Variants in DAAM1 observed in about 807,000 individuals in gnomAD.
DAAM1 encodes the protein disheveled-associated activator of morphogenesis 1.
A neutral mutation model predicts 130.0 loss-of-function variants in DAAM1; 52 were observed. The observed-to-expected ratio is 0.40, with a 90% CI of 0.32 to 0.50. DAAM1 has a LOEUF of 0.50. Among genes scored for constraint, DAAM1 ranks in the 20% least tolerant of loss-of-function variants. The pLI, the probability that DAAM1 is intolerant of heterozygous loss-of-function variation, is 0.61. For synonymous variants in DAAM1, 452 were observed against 444.5 expected, an observed-to-expected ratio of 1.02 and a Z score of -0.21; for missense variants, 1,134 against 1,303.8, an observed-to-expected ratio of 0.87 and a Z score of 2.01.
intron 2 of DAAM1, among the ~76,000 whole-genome samples, chr14:59,290,196 G>T (rs1458833178): frequency 6.6e-6 from 1 of 152,088 alleles, no homozygotes; most frequent in Non-Finnish European, 1.5e-5. Context: ...TTTTTTCTAA[G>T]CTCTTTATAT....
rs757982641 is a variant in DAAM1 at position 59,368,694 on chromosome 14, A to G, written c.3042A>G (p.Lys1014=). ...GGGAACGTAAAATGAGAAAAGCTAA[A>G]GAGAATAGTGAAGAAAGCGGAGAGT... is the stretch of plus-strand genomic sequence containing the variant. ...RERERKMRKA[K]ENSEESGEFD... The change falls in exon 25 of 25, where the codon AAA becomes AAG. Residue 1014 remains lysine (K), a synonymous_variant. Coordinates refer to ENST00000360909, the MANE Select transcript of DAAM1 (RefSeq NM_001270520.2). The G allele has an allele frequency of 1.4e-5, 23 of 1,613,754 alleles. No individual in the cohort carries two copies. The highest frequency in any genetic ancestry group is 1.9e-5 in the Non-Finnish European group (23 of 1,179,804).
At chr14:59,334,880 T>C (rs1885565975) in intron 15 of DAAM1, among the ~76,000 whole-genome samples, 1 of 152,178 alleles carries the variant, frequency 6.6e-6, no homozygotes, top group Non-Finnish European at 1.5e-5. Context: ...GAGAAAAAGC[T>C]GTAAATAACT....
At chr14:59,331,760 T>C in intron 14 of DAAM1, 53 bp from the exon 15 acceptor site, 2 of 1,564,068 alleles carry the variant, frequency 1.3e-6, no homozygotes, top group Admixed American at 3.8e-5. Flanking sequence ...ACCATCCCTG[T>C]TCTTTTTATG....
At chr14:59,353,132 C>T (rs755462877) in intron 18 of DAAM1, among the ~76,000 whole-genome samples, 10 of 152,308 alleles carry the variant, frequency 6.6e-5, no homozygotes, top group African/African-American at 9.6e-5. Context: ...ACTCTTCCCA[C>T]GGAGCCTTGG....
chr14:59,352,494 C>A, intron 17 of DAAM1, 32 bp from the exon 18 acceptor site: 2 of 1,539,040 alleles, frequency 1.3e-6, no homozygotes, highest in South Asian at 2.3e-5. Context: ...AAGTGATAAA[C>A]CTCAGTTTTA....
chr14:59,362,010 G>T (rs1886721121), intron 22 of DAAM1, among the ~76,000 whole-genome samples: 3 of 127,176 alleles, frequency 2.4e-5, no homozygotes, highest in East Asian at 2.7e-4. Context: ...AGCATGTGAG[G>T]TTTTTTTCCT....
chr14:59,249,227 G>A (rs1168725160), intron 1 of DAAM1, among the ~76,000 whole-genome samples: 1 of 152,200 alleles, frequency 6.6e-6, no homozygotes, highest in Non-Finnish European at 1.5e-5. Flanking sequence ...TATTAACACA[G>A]CAGAACAAAT....
intron 1 of DAAM1, among the ~76,000 whole-genome samples, chr14:59,246,317 T>G (rs1881375984): frequency 6.6e-6 from 1 of 152,242 alleles, no homozygotes; most frequent in Non-Finnish European, 1.5e-5. Context: ...GGTATTTGTC[T>G]TTTTGTGTCT....
chr14:59,298,415 A>G (rs1022611681), intron 3 of DAAM1, among the ~76,000 whole-genome samples: 1 of 152,100 alleles, frequency 6.6e-6, no homozygotes, highest in Non-Finnish European at 1.5e-5. Flanking sequence ...TAAACCACCC[A>G]GTTTTTTTAA....
intron 16 of DAAM1, among the ~76,000 whole-genome samples, chr14:59,345,176 G>A (rs1172415460): frequency 1.3e-5 from 2 of 152,104 alleles, no homozygotes; most frequent in African/African-American, 4.8e-5. Context: ...GTTTTTCCCT[G>A]TTGTATACTT....
intron 4 of DAAM1, among the ~76,000 whole-genome samples, chr14:59,317,595 C>T (rs1337593988): frequency 6.6e-6 from 1 of 152,118 alleles, no homozygotes; most frequent in African/African-American, 2.4e-5. Context: ...TTGTCATCAC[C>T]CATTGTCTGC....
At chr14:59,340,551 C>T (rs1299423824) in intron 16 of DAAM1, among the ~76,000 whole-genome samples, 1 of 152,124 alleles carries the variant, frequency 6.6e-6, no homozygotes, top group Non-Finnish European at 1.5e-5. Context: ...GATGAAGGCT[C>T]TTTGTTTTAT....
intron 2 of DAAM1, among the ~76,000 whole-genome samples, chr14:59,287,130 C>T (rs553993672): frequency 6.6e-6 from 1 of 152,158 alleles, no homozygotes; most frequent in Non-Finnish European, 1.5e-5. Flanking sequence ...GTTGGTTTAA[C>T]ATATGCCAAT....
intron 16 of DAAM1, among the ~76,000 whole-genome samples, 186 bp downstream of exon 16, chr14:59,340,366 T>C (rs904040106): frequency 1.3e-5 from 2 of 152,228 alleles, no homozygotes; most frequent in Non-Finnish European, 2.9e-5. Context: ...CAGAGCTGGA[T>C]GCCTTCTTTC....
chr14:59,198,108 T>C (rs1298222252), intron 1 of DAAM1, among the ~76,000 whole-genome samples: 4 of 152,144 alleles, frequency 2.6e-5, no homozygotes, highest in Non-Finnish European at 4.4e-5. Context: ...CAGGAATTCC[T>C]CCAACAGAAA....
chr14:59,225,014 T>G (rs1781801790), intron 1 of DAAM1, among the ~76,000 whole-genome samples: 5 of 143,020 alleles, frequency 3.5e-5, no homozygotes, highest in South Asian at 4.6e-4. Context: ...AATAAATCTG[T>G]GTGGGTTTTT....
At chr14:59,200,273 A>C (rs1024696756) in intron 1 of DAAM1, among the ~76,000 whole-genome samples, 9 of 152,210 alleles carry the variant, frequency 5.9e-5, no homozygotes, top group African/African-American at 2.2e-4. Context: ...TTGGTAGCTC[A>C]GTAATGCTAT....
intron 3 of DAAM1, among the ~76,000 whole-genome samples, chr14:59,294,346 C>A (rs1883869126): frequency 1.3e-5 from 2 of 152,204 alleles, no homozygotes; most frequent in African/African-American, 2.4e-5. Flanking sequence ...CTATCTATAT[C>A]TCTGGTTGAA....
At chr14:59,210,930 A>G (rs1390003018) in intron 1 of DAAM1, among the ~76,000 whole-genome samples, 2 of 152,200 alleles carry the variant, frequency 1.3e-5, no homozygotes, top group African/African-American at 2.4e-5. Flanking sequence ...TGCCCAGTAT[A>G]TTTTGTTTAT....
Sources: gnomAD v4.1 joint callset for allele counts (sites outside exome capture counted in the v4.1 genomes callset) on GRCh38, gnomAD v4.1.1 for gene constraint, MANE v1.5 for transcripts, NCBI Gene and HGNC (gene_info 2026-07-23, HGNC 2026-07-21) for gene names.